Variants in ITSN2 observed in about 807,000 individuals in gnomAD.
ITSN2 encodes the protein intersectin-2.
ITSN2 carries 156 observed loss-of-function variants against 243.7 expected under a neutral mutation model. The ratio of observed to expected loss-of-function variants is 0.64; its 90% confidence interval spans 0.56 to 0.73. ITSN2 has a LOEUF of 0.73. Among genes scored for constraint, ITSN2 ranks in the 30% least tolerant of loss-of-function variants. The pLI is 0.00. For synonymous variants in ITSN2, 703 were observed against 699.9 expected, an observed-to-expected ratio of 1.00 and a Z score of -0.07; for missense variants, 1,801 against 1,996.1, an observed-to-expected ratio of 0.90 and a Z score of 1.86.
intron 1 of ITSN2, among the ~76,000 whole-genome samples, chr2:24,329,253 T>C (rs1192297128): frequency 3.2e-4 from 2 of 6,266 alleles, no homozygotes; most frequent in African/African-American, 9.5e-4. Context: ...TGGGTCTGTT[T>C]TTTTTTTTGT....
intron 30 of ITSN2, among the ~76,000 whole-genome samples, chr2:24,219,715 G>A (rs968296163): frequency 4.6e-5 from 7 of 152,306 alleles, no homozygotes; most frequent in East Asian, 1.9e-4. Context: ...GCAAGCACCC[G>A]GTGCCTGCTC....
In ITSN2 at chr2:24,308,681, A is replaced by G. The variant is rs202149113; in HGVS notation, c.729T>C (p.Pro243=). 3 of 1,535,132 alleles carry G rather than the reference A, an allele frequency of 2.0e-6. No homozygotes were observed. Among genetic ancestry groups the G allele is most frequent in the East Asian group, 4.7e-5 (2 of 42,252 alleles). The change falls in exon 8 of 40, where the codon CCT becomes CCC. Residue 243 remains proline (P), a synonymous_variant. Coordinates refer to ENST00000355123, the MANE Select transcript of ITSN2 (RefSeq NM_006277.3). The part of the protein sequence containing the change: ...TGTSEWAVPQ[P]TRLKYRQKFN... ...ATTTTTGCCGATATTTTAATCTTGT[A>G]GGCTGAGGAACTGCCCACTCTGAGG...
intron 1 of ITSN2, among the ~76,000 whole-genome samples, chr2:24,359,612 A>G (rs1688766603): frequency 6.6e-6 from 1 of 152,190 alleles, no homozygotes; most frequent in Non-Finnish European, 1.5e-5. Context: ...CCCACTCACT[A>G]TGCATATGCA....
At chr2:24,247,110 G>T (rs1231000929) in intron 27 of ITSN2, among the ~76,000 whole-genome samples, 11 of 152,250 alleles carry the variant, frequency 7.2e-5, no homozygotes, top group African/African-American at 2.4e-4. Context: ...GTGGGTACTG[G>T]GTCATGCCAA....
intron 35 of ITSN2, 35 bp from the exon 36 acceptor site, chr2:24,209,256 A>G: frequency 6.2e-7 from 1 of 1,609,784 alleles, no homozygotes; most frequent in Non-Finnish European, 8.5e-7. Flanking sequence ...AGGCTGTGAG[A>G]TGGGCTAGAA....
chr2:24,319,672 C>T (rs1684323458), intron 2 of ITSN2, among the ~76,000 whole-genome samples: 1 of 152,218 alleles, frequency 6.6e-6, no homozygotes, highest in Non-Finnish European at 1.5e-5. Context: ...ACTGGAAACC[C>T]TCAGACTTGC....
In ITSN2 at chr2:24,205,745, T is replaced by C. The variant is rs974847312; in HGVS notation, c.4679-448A>G. On this transcript the variant is annotated intron_variant, in intron 37 of 39. Coordinates refer to ENST00000355123, the MANE Select transcript of ITSN2 (RefSeq NM_006277.3). ...ATTGCCTAGCAAATAGTAATATTAA[T>C]AAAATAATACATGGTATTTGTGCAG... is the stretch of plus-strand genomic sequence containing the variant. 3 of 176,650 alleles carry C rather than the reference T, an allele frequency of 1.7e-5. No homozygotes were observed. The South Asian group carries it at 4.1e-4, about 24-fold the overall frequency. The allele number at this position is 176,650 out of a possible 1,614,324, so 10.9% of individuals were successfully genotyped here.
At chr2:24,314,277 G>A (rs963769818) in intron 3 of ITSN2, among the ~76,000 whole-genome samples, 5 of 152,142 alleles carry the variant, frequency 3.3e-5, no homozygotes, top group Non-Finnish European at 7.3e-5. Flanking sequence ...CACCCGTAAT[G>A]GACAAAGTTA....
chr2:24,329,497 T>C (rs1043130112), intron 1 of ITSN2, among the ~76,000 whole-genome samples: 8 of 152,162 alleles, frequency 5.3e-5, no homozygotes, highest in Non-Finnish European at 1.2e-4. Flanking sequence ...AGTCTTGAAC[T>C]CCTGAGCTCA....
chr2:24,220,932 G>A lies in ITSN2; in HGVS notation c.3699+13C>T. The A allele has an allele frequency of 1.3e-6, 2 of 1,588,254 alleles. No individual in the cohort carries two copies. The highest frequency in any genetic ancestry group is 1.7e-6 in the Non-Finnish European group (2 of 1,168,990). ...CAGATACCCCGAGAGCTAGCCAGCA[G>A]CAGCCTCCTCACCTCGACGACGAGC... On this transcript the variant is annotated intron_variant, in intron 30 of 39. Coordinates refer to ENST00000355123, the MANE Select transcript of ITSN2 (RefSeq NM_006277.3).
At chr2:24,232,388 G>A (rs148641771) in intron 29 of ITSN2, among the ~76,000 whole-genome samples, 1 of 152,196 alleles carries the variant, frequency 6.6e-6, no homozygotes, top group Non-Finnish European at 1.5e-5. Context: ...ACTGTAAAAG[G>A]TCATAAGCCT....
At chr2:24,223,442 G>A (rs1271746636) in intron 29 of ITSN2, among the ~76,000 whole-genome samples, 2 of 152,006 alleles carry the variant, frequency 1.3e-5, no homozygotes, top group Non-Finnish European at 2.9e-5. Context: ...ACTGTGGGAG[G>A]CTGAGGCGGG....
intron 30 of ITSN2, 128 bp downstream of exon 30, chr2:24,220,817 G>T (rs1670372182): frequency 2.1e-6 from 3 of 1,446,552 alleles, no homozygotes; most frequent in Non-Finnish European, 2.7e-6. Flanking sequence ...GTCACTATTT[G>T]TGAATTCACA....
In ITSN2 at chr2:24,313,484, G is replaced by A. The variant is rs765871624; in HGVS notation, c.164C>T (p.Pro55Leu). The A allele has an allele frequency of 4.3e-6, 7 of 1,613,208 alleles. No homozygotes were observed. Among genetic ancestry groups the A allele is most frequent in the South Asian group, 1.1e-5 (1 of 90,940 alleles). Residue 55 changes from proline to leucine, a missense_variant, in exon 4 of 40, where the codon CCG becomes CTG. Physicochemically the swap from Pro to Leu is moderately conservative, Grantham distance 98 (BLOSUM62 -3). This residue lies in a region of ITSN2 where 77 missense variants were observed against 90.1 expected (regional missense o/e 0.85). Coordinates refer to ENST00000355123, the MANE Select transcript of ITSN2 (RefSeq NM_006277.3). ...ARNFFLQSGLPAPVLAEIWAL... is the reference protein window; with the variant it reads ...ARNFFLQSGLLAPVLAEIWAL... ...CCATATTTCAGCTAAAACAGGGGCC[G>A]GCAGACCTGATTGTAGGAAAAAATT...
intron 30 of ITSN2, chr2:24,220,628 C>A: frequency 8.2e-7 from 1 of 1,218,332 alleles, no homozygotes; most frequent in Non-Finnish European, 1.0e-6. Flanking sequence ...CCCATCCACT[C>A]TATCCCCGTC....
At chr2:24,317,444 T>G (rs1180123864) in intron 2 of ITSN2, among the ~76,000 whole-genome samples, 1 of 151,426 alleles carries the variant, frequency 6.6e-6, no homozygotes, top group Non-Finnish European at 1.5e-5. Context: ...CACATTCCAC[T>G]GCTTATAGTA....
At chr2:24,252,864 G>C (rs150162705) in intron 24 of ITSN2, among the ~76,000 whole-genome samples, 362 of 152,258 alleles carry the variant, frequency 2.4e-3, no homozygotes, top group African/African-American at 8.2e-3. Context: ...TCAGATAATG[G>C]AGTCAAGATA....
chr2:24,236,217 CATT>C (rs1672132751), intron 29 of ITSN2, among the ~76,000 whole-genome samples: 1 of 152,178 alleles, frequency 6.6e-6, no homozygotes, highest in Non-Finnish European at 1.5e-5. Flanking sequence ...ACCTTGAAAA[CATT>C]ATGCTAAGTG....
chr2:24,327,618 T>C (rs1685299998), intron 2 of ITSN2, among the ~76,000 whole-genome samples: 1 of 152,168 alleles, frequency 6.6e-6, no homozygotes, highest in South Asian at 2.1e-4. Context: ...TTTAAAATGT[T>C]TGATATTAAA....
Sources: gnomAD v4.1 joint callset for allele counts (sites outside exome capture counted in the v4.1 genomes callset) on GRCh38, gnomAD v4.1.1 for gene constraint, gnomAD v4.1.1 regional missense constraint, MANE v1.5 for transcripts, NCBI Gene and HGNC (gene_info 2026-07-23, HGNC 2026-07-21) for gene names.